The following SDK1 variants were observed in gnomAD, a reference collection of about 807,000 sequenced individuals.
SDK1 encodes the protein protein sidekick-1.
Under a neutral mutation model 245.5 loss-of-function variants are expected in SDK1, and 157 were observed. The observed-to-expected ratio is 0.64, with a 90% confidence interval of 0.56 to 0.73. The LOEUF is 0.73. Among genes scored for constraint, SDK1 ranks in the 30% least tolerant of loss-of-function variants. The pLI, the probability that SDK1 is intolerant of heterozygous loss-of-function variation, is 0.00. For synonymous variants in SDK1, 1,647 were observed against 1,278.5 expected (o/e 1.29, Z -6.15); for missense variants, 3,583 against 3,002.3 (o/e 1.19, Z -4.52).
intron 7 of SDK1, among the ~76,000 whole-genome samples, chr7:3,955,546 C>T (rs1416583408): frequency 1.3e-5 from 2 of 152,168 alleles, no homozygotes; most frequent in African/African-American, 2.4e-5. Flanking sequence ...CTCCGGGAGC[C>T]GTTCTGTCCA....
At chr7:3,518,321 C>T (rs1466728383) in intron 1 of SDK1, among the ~76,000 whole-genome samples, 2 of 151,702 alleles carry the variant, frequency 1.3e-5, no homozygotes, top group Admixed American at 6.6e-5. Flanking sequence ...ACACAGGCAA[C>T]AAAAGTAAAA....
At position 4,052,997 on chromosome 7, in the gene SDK1, GAATC is replaced by G. The variant is rs1457034997; in HGVS notation, c.2911+1169_2911+1172del. On this transcript the variant is annotated intron_variant, in intron 19 of 44. Coordinates refer to ENST00000404826, the MANE Select transcript of SDK1 (RefSeq NM_152744.4). Reference sequence around the variant, plus strand: ...AGCTACTCGGGAGGCTGAGGCAGGAGAATCACTTGAACCCAGGAGGCAGAGGTTG... The same window carrying G: ...AGCTACTCGGGAGGCTGAGGCAGGAGACTTGAACCCAGGAGGCAGAGGTTG... Among the ~76,000 whole-genome samples the G allele has an allele frequency of 2.1e-5, 3 of 145,184 alleles. No homozygotes were observed. In the East Asian group the frequency reaches 6.1e-4, roughly 30 times the overall value.
At chr7:4,062,132 T>TAAA (rs1206966396) in intron 19 of SDK1, among the ~76,000 whole-genome samples, 2 of 151,888 alleles carry the variant, frequency 1.3e-5, no homozygotes, top group Non-Finnish European at 2.9e-5. Context: ...TAAAGTATAA[T>TAAA]AATAATAATA....
chr7:3,337,172 T>G (rs1366087136), intron 1 of SDK1, among the ~76,000 whole-genome samples: 1 of 152,200 alleles, frequency 6.6e-6, no homozygotes, highest in Non-Finnish European at 1.5e-5. Context: ...TTACAAATTC[T>G]TTTGAAACAA....
intron 1 of SDK1, among the ~76,000 whole-genome samples, chr7:3,312,382 A>T (rs943037609): frequency 6.6e-6 from 1 of 152,194 alleles, no homozygotes; most frequent in African/African-American, 2.4e-5. Context: ...ACCGTGAAGG[A>T]GAGTTAGCAG....
chr7:3,955,515 C>T (rs1429997759), intron 7 of SDK1, among the ~76,000 whole-genome samples: 5 of 152,166 alleles, frequency 3.3e-5, no homozygotes, highest in Non-Finnish European at 7.3e-5. Flanking sequence ...TCATAGATTC[C>T]AGAGGTGTGG....
At chr7:3,947,818 G>A (rs968221665) in intron 5 of SDK1, among the ~76,000 whole-genome samples, 10 of 152,046 alleles carry the variant, frequency 6.6e-5, no homozygotes, top group African/African-American at 1.7e-4. Context: ...AATAGATAAT[G>A]TCTAAAATTG....
At chr7:3,497,384 C>T (rs1034816486) in intron 1 of SDK1, among the ~76,000 whole-genome samples, 3 of 152,114 alleles carry the variant, frequency 2.0e-5, no homozygotes, top group South Asian at 2.1e-4. Flanking sequence ...CTTTTATTTT[C>T]TCCTAGATGA....
chr7:3,343,735 T>A (rs1391728551), intron 1 of SDK1, among the ~76,000 whole-genome samples: 1 of 148,176 alleles, frequency 6.7e-6, no homozygotes, highest in African/African-American at 2.5e-5. Flanking sequence ...TAAATATGAA[T>A]GGACTGACTT....
intron 14 of SDK1, among the ~76,000 whole-genome samples, chr7:4,004,822 T>G (rs1248704903): frequency 1.3e-5 from 2 of 152,168 alleles, no homozygotes; most frequent in African/African-American, 4.8e-5. Flanking sequence ...TTTCCCTAAG[T>G]GTCTAAAAAG....
At chr7:4,264,182 G>A (rs1162883842) in intron 44 of SDK1, among the ~76,000 whole-genome samples, 1 of 120,018 alleles carries the variant, frequency 8.3e-6, no homozygotes, top group Non-Finnish European at 1.8e-5. Flanking sequence ...CTGAGTGGGG[G>A]AGGCCGCGTA....
intron 4 of SDK1, among the ~76,000 whole-genome samples, chr7:3,729,550 C>A (rs1000507842): frequency 2.0e-5 from 3 of 152,212 alleles, no homozygotes; most frequent in African/African-American, 4.8e-5. Flanking sequence ...ATCTGACCCA[C>A]AATGCCAACA....
In SDK1 at chr7:4,031,160, CAT is replaced by C. The variant is rs144586085; in HGVS notation, c.2602+13810_2602+13811del. Among the ~76,000 whole-genome samples the C allele has an allele frequency of 9.2e-4, 140 of 152,254 alleles. 1 individual carries two copies. Among genetic ancestry groups the C allele is most frequent in the Non-Finnish European group, 1.8e-3 (121 of 68,018 alleles). On this transcript the variant is annotated intron_variant, in intron 17 of 44. Transcript: ENST00000404826. ...GTCTATATACACATATTTAAGTATA[CAT>C]AGATATGTTCTTGTACATGTATATA...
intron 4 of SDK1, among the ~76,000 whole-genome samples, chr7:3,773,479 A>G (rs1382148772): frequency 1.3e-5 from 2 of 152,090 alleles, no homozygotes; most frequent in Non-Finnish European, 2.9e-5. Context: ...TTCTTTGAGC[A>G]TCTTCAAGAC....
intron 5 of SDK1, among the ~76,000 whole-genome samples, chr7:3,897,745 C>CTGTGTG (rs56863215): frequency 2.0e-5 from 3 of 150,064 alleles, no homozygotes; most frequent in East Asian, 3.9e-4. Flanking sequence ...GTTTTTACAG[C>CTGTGTG]TGTGTGTGTG....
intron 4 of SDK1, among the ~76,000 whole-genome samples, chr7:3,683,555 T>C (rs1184887873): frequency 3.9e-5 from 6 of 152,210 alleles, no homozygotes; most frequent in East Asian, 1.9e-4. Context: ...GTTCAGAAAC[T>C]ATTTACTGAG....
intron 35 of SDK1, among the ~76,000 whole-genome samples, chr7:4,203,948 C>T (rs1471487767): frequency 6.6e-6 from 1 of 152,238 alleles, no homozygotes; most frequent in Non-Finnish European, 1.5e-5. Flanking sequence ...CCCAGCTCGT[C>T]TCCACCCCAG....
chr7:3,783,374 A>T (rs943298173), intron 4 of SDK1, among the ~76,000 whole-genome samples: 7 of 152,312 alleles, frequency 4.6e-5, no homozygotes, highest in Admixed American at 3.9e-4. Flanking sequence ...TAGGCAAGAA[A>T]AATAAATAGA....
intron 32 of SDK1, among the ~76,000 whole-genome samples, chr7:4,167,614 C>G (rs1411909465): frequency 6.6e-6 from 1 of 152,162 alleles, no homozygotes; most frequent in Non-Finnish European, 1.5e-5. Flanking sequence ...TCCGGCAAGT[C>G]CCACTCCACC....
Sources: allele counts gnomAD v4.1 joint callset (sites outside exome capture counted in the v4.1 genomes callset), GRCh38; gene constraint gnomAD v4.1.1; transcripts MANE v1.5; gene names NCBI Gene and HGNC (gene_info 2026-07-23, HGNC 2026-07-21).